Variants in NLRC3 observed in about 807,000 individuals in gnomAD.
The protein encoded by NLRC3 is NLR family CARD domain containing 3, also known as NLR family CARD domain-containing protein 3.
Under a neutral mutation model 91.6 loss-of-function variants are expected in NLRC3, and 87 were observed. That is an observed-to-expected ratio of 0.95 (90% CI 0.80 to 1.14). NLRC3 has a LOEUF of 1.14. Ranked by LOEUF, NLRC3 falls within the 50% of genes most tolerant of loss-of-function variation. The pLI is 0.00. For synonymous variants in NLRC3, 694 were observed against 625.3 expected, an observed-to-expected ratio of 1.11 and a Z score of -1.64; for missense variants, 1,577 against 1,418.6, an observed-to-expected ratio of 1.11 and a Z score of -1.79.
At chr16:3,542,664 A>T (rs1567455953) in intron 18 of NLRC3, 28 bp downstream of exon 18, 1 of 1,428,394 alleles carries the variant, frequency 7.0e-7, no homozygotes. Context: ...CTGCTCCAGG[A>T]TGCAGGTAGG....
rs1596477733 is a variant in NLRC3 at position 3,563,240 on chromosome 16, T to C, written c.1697A>G (p.Asn566Ser). 6.2e-7 allele frequency: 1 copy of C among 1,606,114 alleles called. No individual in the cohort carries two copies. Among genetic ancestry groups the C allele is most frequent in the Non-Finnish European group, 8.5e-7 (1 of 1,178,348 alleles). The part of the protein sequence containing the change: ...PDAAVCARAI[N>S]VLHCLHELQH... ...CAGCTCATGCAGGCAGTGCAACACG[T>C]TGATGGCCCGTGCACAGACTGCGGC... is the stretch of plus-strand genomic sequence containing the variant. The change falls in exon 5 of 20, where the codon AAC becomes AGC. Residue 566 changes from asparagine to serine, a missense_variant. Physicochemically the swap from Asn to Ser is conservative, Grantham distance 46 (BLOSUM62 1). Coordinates refer to ENST00000359128, the MANE Select transcript of NLRC3 (RefSeq NM_178844.4).
At chr16:3,552,314 C>T in intron 9 of NLRC3, 35 bp from the exon 10 acceptor site, 2 of 1,476,074 alleles carry the variant, frequency 1.4e-6, no homozygotes, top group African/African-American at 1.4e-5. Flanking sequence ...TTTAGAAAGG[C>T]TGGTCACAGC....
chr16:3,565,192 G>A (rs1237113076), intron 3 of NLRC3, 127 bp downstream of exon 3: 6 of 735,982 alleles, frequency 8.2e-6, no homozygotes, highest in Admixed American at 2.1e-5. Context: ...GTGGCCCACT[G>A]GCCTGGCCTC....
intron 15 of NLRC3, chr16:3,544,597 G>A (rs2038593815): frequency 2.3e-6 from 1 of 429,752 alleles, no homozygotes; most frequent in Non-Finnish European, 4.2e-6. Flanking sequence ...GCAGGGGCTT[G>A]GGACCCAAAA....
chr16:3,551,336 T>G (rs1009410625), intron 10 of NLRC3, among the ~76,000 whole-genome samples: 3 of 134,934 alleles, frequency 2.2e-5, no homozygotes, highest in Admixed American at 1.5e-4. Flanking sequence ...ATCCATCCAC[T>G]CATCCATTCA....
Position 3,563,487 on chromosome 16 carries a change from C to T in NLRC3, c.1450G>A (p.Val484Ile), listed in dbSNP as rs1242952466. Reference protein sequence around the residue: ...AIFDLFTESGVSWPRLGFLTH... With the variant: ...AIFDLFTESGISWPRLGFLTH... ...AGGAAGCCCAGCCTGGGCCAGGATA[C>T]GCCGCTCTCAGTGAAGAGGTCGAAG... The change falls in exon 5 of 20, where the codon GTA (valine) becomes ATA (isoleucine). Residue 484 changes from valine to isoleucine, a missense_variant. By Grantham distance (29) the Val-to-Ile change is conservative (BLOSUM62 3). Transcript: ENST00000359128. 12 of 1,590,978 alleles carry T rather than the reference C, an allele frequency of 7.5e-6. No individual in the cohort carries two copies. The highest frequency in any genetic ancestry group is 2.7e-5 in the African/African-American group (2 of 74,396).
rs1201643245 is a variant in NLRC3 at position 3,548,182 on chromosome 16, C to A, written c.2724G>T (p.Gln908His). The change falls in exon 15 of 20, where the codon CAG (glutamine) becomes CAT (histidine). Residue 908 changes from glutamine to histidine, a missense_variant. Gln to His is a conservative substitution (Grantham distance 24). Coordinates refer to ENST00000359128, the MANE Select transcript of NLRC3 (RefSeq NM_178844.4). ...QWNFIQAGAA[Q>H]ALGQALQLNR... ...TGAGCTGTAGTGCTTGTCCCAGGGC[C>A]TGGGCAGCGCCGGCCTGGATGAAGT... 2.5e-6 allele frequency: 4 copies of A among 1,596,470 alleles called. No homozygotes were observed. The highest frequency in any genetic ancestry group is 2.6e-6 in the Non-Finnish European group (3 of 1,171,658).
chr16:3,562,015 G>A (rs375934565), intron 5 of NLRC3, among the ~76,000 whole-genome samples: 5 of 152,308 alleles, frequency 3.3e-5, no homozygotes, highest in African/African-American at 7.2e-5. Flanking sequence ...ACGGGCTGTC[G>A]TCCTCACCAC....
chr16:3,541,880 C>T lies in NLRC3; in HGVS notation c.3143G>A (p.Arg1048Lys). 1 of 1,612,550 alleles carries T rather than the reference C, an allele frequency of 6.2e-7. No individual in the cohort carries two copies. The highest frequency in any genetic ancestry group is 8.5e-7 in the Non-Finnish European group (1 of 1,179,052). ...TGTCTTGATGGCCTCTGAGATCATC[C>T]TGGCCCCGGAGTCCCCAATGTGGTT... is the stretch of plus-strand genomic sequence containing the variant. The part of the protein sequence containing the change: ...QGNHIGDSGA[R>K]MISEAIKTNA... The change falls in exon 20 of 20, where the codon AGG becomes AAG. Residue 1048 changes from arginine (R) to lysine (K), a missense_variant. Coordinates refer to ENST00000359128, the MANE Select transcript of NLRC3 (RefSeq NM_178844.4).
Position 3,564,803 on chromosome 16 carries a change from G to A in NLRC3, c.179-45C>T, listed in dbSNP as rs1317515697. The A allele has an allele frequency of 1.3e-6, 2 of 1,569,048 alleles. No homozygotes were observed. The highest frequency in any genetic ancestry group is 1.7e-6 in the Non-Finnish European group (2 of 1,159,776). On this transcript the variant is annotated intron_variant, in intron 4 of 19. Coordinates refer to ENST00000359128, the MANE Select transcript of NLRC3 (RefSeq NM_178844.4). The surrounding 1 kb of genome is among the most constrained non-coding windows in gnomAD (Gnocchi z 5.9). ...GGGGAGGTCTGGTAAGGGAAGAGTG[G>A]GCACAATCAGCCCAGGTGTTCCCCA...
intron 1 of NLRC3, among the ~76,000 whole-genome samples, chr16:3,569,204 T>C (rs1028778390): frequency 7.9e-5 from 12 of 150,976 alleles, no homozygotes; most frequent in Admixed American, 4.6e-4. Flanking sequence ...ATCCCAGCTA[T>C]TGGGGACACT....
chr16:3,569,120 C>T (rs1468766530), intron 1 of NLRC3, among the ~76,000 whole-genome samples: 3 of 151,862 alleles, frequency 2.0e-5, no homozygotes, highest in Non-Finnish European at 4.4e-5. Flanking sequence ...TCGAGACCAG[C>T]CTGGCCAACA....
intron 6 of NLRC3, among the ~76,000 whole-genome samples, chr16:3,560,427 CA>C (rs572143670): frequency 1.4e-4 from 19 of 139,676 alleles, no homozygotes; most frequent in Admixed American, 1.4e-4. Context: ...CGTCTCAAAA[CA>C]AAAAAAAAAA....
chr16:3,557,238 G>A (rs754078542), intron 7 of NLRC3, among the ~76,000 whole-genome samples: 38 of 152,192 alleles, frequency 2.5e-4, no homozygotes, highest in Non-Finnish European at 4.0e-4. Context: ...TGGGCCAAAT[G>A]TGGAGATGAG....
rs762707544 is a variant in NLRC3 at position 3,549,227 on chromosome 16, T to TG, written c.2520-3dup. 340 of 1,573,280 alleles carry TG rather than the reference T, an allele frequency of 2.2e-4. No individual in the cohort carries two copies. Among genetic ancestry groups the TG allele is most frequent in the Non-Finnish European group, 2.8e-4 (326 of 1,158,592 alleles). On this transcript the variant is annotated splice_region_variant and splice_polypyrimidine_tract_variant and intron_variant, in intron 12 of 19. Transcript: ENST00000359128. Reference sequence around the variant, plus strand: ...GGACTGATGGAGTTTTCTCGAAGGCTGAAAAAAAAGGAAAGACCTGAGCTT... The same window carrying TG: ...GGACTGATGGAGTTTTCTCGAAGGCTGGAAAAAAAAGGAAAGACCTGAGCTT...
chr16:3,566,072 T>A (rs897783278), intron 2 of NLRC3, among the ~76,000 whole-genome samples: 4 of 115,348 alleles, frequency 3.5e-5, no homozygotes, highest in Admixed American at 1.0e-4. Context: ...AAAACTTAAC[T>A]CTTCTTGCTC....
At chr16:3,575,783 G>A (rs2040266550) in intron 1 of NLRC3, among the ~76,000 whole-genome samples, 1 of 152,176 alleles carries the variant, frequency 6.6e-6, no homozygotes, top group Non-Finnish European at 1.5e-5. Flanking sequence ...GGGACCTGCT[G>A]GGTCCTTCCC....
At chr16:3,557,135 GGCA>G (rs1316252888) in intron 7 of NLRC3, 141 bp from the exon 8 acceptor site, 1 of 634,814 alleles carries the variant, frequency 1.6e-6, no homozygotes, top group African/African-American at 1.8e-5. Context: ...GTGGAACCAG[GGCA>G]GAGATCCTTA....
chr16:3,556,608 G>A (rs1230145456), intron 8 of NLRC3, among the ~76,000 whole-genome samples: 3 of 152,042 alleles, frequency 2.0e-5, no homozygotes, highest in Non-Finnish European at 2.9e-5. Context: ...AGACTCAAGC[G>A]ATTCTCCTAC....
Sources: gnomAD v4.1 joint callset for allele counts (sites outside exome capture counted in the v4.1 genomes callset) on GRCh38, gnomAD v4.1.1 for gene constraint, Gnocchi (gnomAD v3.1) non-coding constraint, MANE v1.5 for transcripts, NCBI Gene and HGNC (gene_info 2026-07-23, HGNC 2026-07-21) for gene names.